The following PATL2 variants were observed in gnomAD, a reference collection of about 807,000 sequenced individuals.
The protein encoded by PATL2 is PAT1 homolog 2, also known as protein PAT1 homolog 2.
A neutral mutation model predicts 77.0 loss-of-function variants in PATL2; 73 were observed. The observed-to-expected ratio is 0.95, with a 90% confidence interval of 0.78 to 1.15. The LOEUF (loss-of-function observed/expected upper bound fraction) is 1.15, where lower values mean the gene tolerates loss of function less well. PATL2 is among the 50% of genes most tolerant of loss of function. The pLI is 0.00. For missense variants in PATL2, 618 were observed against 655.4 expected (o/e 0.94, Z 0.62); for synonymous variants, 265 against 257.1 (o/e 1.03, Z -0.29).
intron 4 of PATL2, 89 bp from the exon 5 acceptor site, chr15:44,675,780 G>T: frequency 8.8e-7 from 1 of 1,131,902 alleles, no homozygotes; most frequent in Non-Finnish European, 1.2e-6. Context: ...TAGCACTTCT[G>T]TTCATAAGCC....
At chr15:44,701,174 T>A (rs1410424985) in intron 3 of PATL2, among the ~76,000 whole-genome samples, 2 of 152,048 alleles carry the variant, frequency 1.3e-5, no homozygotes, top group African/African-American at 4.8e-5. Flanking sequence ...GCAGATGAGA[T>A]GAATAATCAC....
intron 3 of PATL2, among the ~76,000 whole-genome samples, chr15:44,704,751 T>G (rs2086697533): frequency 6.6e-6 from 1 of 152,254 alleles, no homozygotes; most frequent in African/African-American, 2.4e-5. Context: ...GTCCTTTTCT[T>G]TCTGATTAAA....
intron 3 of PATL2, among the ~76,000 whole-genome samples, chr15:44,679,715 A>G (rs952439586): frequency 5.9e-5 from 9 of 151,720 alleles, no homozygotes; most frequent in African/African-American, 2.2e-4. Context: ...TTTATTCCTA[A>G]TATTATTCAT....
At chr15:44,698,907 T>C (rs144494104) in intron 3 of PATL2, among the ~76,000 whole-genome samples, 2 of 152,322 alleles carry the variant, frequency 1.3e-5, no homozygotes, top group Non-Finnish European at 2.9e-5. Flanking sequence ...CCAGCATTCA[T>C]TATTGTCTGT....
chr15:44,685,809 G>T (rs2086239793), intron 3 of PATL2, among the ~76,000 whole-genome samples: 1 of 152,090 alleles, frequency 6.6e-6, no homozygotes, highest in Non-Finnish European at 1.5e-5. Context: ...AAGAGACAAA[G>T]AAGGGCATTA....
At chr15:44,671,836 TAGAG>T (rs2085694698) in intron 9 of PATL2, among the ~76,000 whole-genome samples, 175 bp downstream of exon 9, 2 of 152,206 alleles carry the variant, frequency 1.3e-5, no homozygotes, top group African/African-American at 4.8e-5. Flanking sequence ...TGTAGGAAGA[TAGAG>T]AGAAATGAGT....
At chr15:44,671,921 C>A in intron 9 of PATL2, 94 bp downstream of exon 9, 1 of 1,449,326 alleles carries the variant, frequency 6.9e-7, no homozygotes, top group Non-Finnish European at 9.3e-7. Context: ...ACAGACATGA[C>A]CTCTATGAGC....
intron 3 of PATL2, among the ~76,000 whole-genome samples, chr15:44,691,060 A>C (rs908672965): frequency 1.3e-5 from 2 of 151,626 alleles, no homozygotes; most frequent in Non-Finnish European, 2.9e-5. Context: ...TTATAAAAAT[A>C]TGAGCTTTGG....
intron 3 of PATL2, among the ~76,000 whole-genome samples, chr15:44,699,304 T>G (rs2086578714): frequency 6.6e-6 from 1 of 152,148 alleles, no homozygotes; most frequent in African/African-American, 2.4e-5. Context: ...CCACAATGTT[T>G]TCTTTTAGCA....
rs752190062 is a variant in PATL2 at position 44,676,505 on chromosome 15, G to A, written c.-15C>T. 2 of 1,551,502 alleles carry A rather than the reference G, an allele frequency of 1.3e-6. No homozygotes were observed. The highest frequency in any genetic ancestry group is 1.7e-6 in the Non-Finnish European group (2 of 1,146,852). Reference sequence around the variant, plus strand: ...AGGCAATTCATCTTGGCAGGCTGGTGGACTTCCTTCTTAGCCGTGTCCTCC... The same window carrying A: ...AGGCAATTCATCTTGGCAGGCTGGTAGACTTCCTTCTTAGCCGTGTCCTCC... On this transcript the variant is annotated 5_prime_UTR_variant, in exon 4 of 18. Coordinates refer to ENST00000682850, the MANE Select transcript of PATL2 (RefSeq NM_001387263.1).
At chr15:44,687,400 C>T (rs1248472253) in intron 3 of PATL2, among the ~76,000 whole-genome samples, 7 of 151,766 alleles carry the variant, frequency 4.6e-5, no homozygotes, top group South Asian at 2.1e-4. Flanking sequence ...ATTGATGGAA[C>T]GTATCTCAAA....
chr15:44,672,501 G>A, intron 7 of PATL2, 45 bp from the exon 8 acceptor site: 2 of 1,505,100 alleles, frequency 1.3e-6, no homozygotes, highest in Non-Finnish European at 1.8e-6. Flanking sequence ...GAAGCTCTCA[G>A]TTCTCTGCCC....
At position 44,666,961 on chromosome 15, in the gene PATL2, A is replaced by G. The variant is rs568125597; in HGVS notation, c.1463+145T>C. On this transcript the variant is annotated intron_variant, in intron 16 of 17. Coordinates refer to ENST00000682850, the MANE Select transcript of PATL2 (RefSeq NM_001387263.1). ...AAACTCTAGGGCACTATAGAAAAAA[A>G]GCAGAACAGCTACAACACTGCTACT... 565 of 667,882 alleles carry G rather than the reference A, an allele frequency of 8.5e-4. 8 individuals carry two copies. The South Asian group carries it at 0.01, about 12-fold the overall frequency. The allele number at this position is 667,882 out of a possible 1,614,324, so 41.4% of individuals were successfully genotyped here. A position where few individuals can be genotyped will look rare whatever the true frequency, so the allele number is the denominator to read the frequency against.
intron 2 of PATL2, among the ~76,000 whole-genome samples, 25 bp downstream of exon 2, chr15:44,710,846 A>G (rs1295929242): frequency 1.8e-5 from 1 of 54,444 alleles, no homozygotes; most frequent in Non-Finnish European, 3.5e-5. Flanking sequence ...GCCCCCCGAC[A>G]AATCAACAGA....
At chr15:44,680,514 TCTC>T (rs1231701921) in intron 3 of PATL2, among the ~76,000 whole-genome samples, 3 of 151,944 alleles carry the variant, frequency 2.0e-5, no homozygotes, top group African/African-American at 7.3e-5. Flanking sequence ...GGTGGGGGGC[TCTC>T]CTCCTCTTCA....
In PATL2 at chr15:44,665,979, G is replaced by C. The variant is rs1409387455; in HGVS notation, c.1614-8C>G. The C allele has an allele frequency of 1.3e-6, 2 of 1,536,188 alleles. No homozygotes were observed. The highest frequency in any genetic ancestry group is 1.8e-6 in the Non-Finnish European group (2 of 1,141,518). On this transcript the variant is annotated splice_region_variant and splice_polypyrimidine_tract_variant and intron_variant, in intron 17 of 17. Transcript: ENST00000682850. The stretch of plus-strand genomic sequence containing the variant: ...CAGTAAATCCAGGCAAACCTATAAA[G>C]AGAACAGATATTAACTGCAAGCACA...
intron 3 of PATL2, among the ~76,000 whole-genome samples, chr15:44,685,582 T>C (rs959502828): frequency 1.3e-5 from 2 of 150,172 alleles, no homozygotes; most frequent in African/African-American, 4.9e-5. Context: ...CATTCCAGCC[T>C]GGGCAACAGA....
intron 3 of PATL2, among the ~76,000 whole-genome samples, chr15:44,682,575 C>T (rs2086158001): frequency 6.6e-6 from 1 of 152,194 alleles, no homozygotes; most frequent in Admixed American, 6.5e-5. Context: ...GGTTTCTTGC[C>T]AGCCACCTGG....
intron 3 of PATL2, among the ~76,000 whole-genome samples, chr15:44,683,283 G>C (rs1566861732): frequency 6.6e-6 from 1 of 152,116 alleles, no homozygotes; most frequent in Non-Finnish European, 1.5e-5. Context: ...AGGGAGCCAA[G>C]TGGTCTAGCT....
Sources: gnomAD v4.1 joint callset for allele counts (sites outside exome capture counted in the v4.1 genomes callset) on GRCh38, gnomAD v4.1.1 for gene constraint, MANE v1.5 for transcripts, NCBI Gene and HGNC (gene_info 2026-07-23, HGNC 2026-07-21) for gene names.